Variants in COMMD1 observed in about 807,000 individuals in gnomAD.
The protein encoded by COMMD1 is copper metabolism domain containing 1, also known as COMM domain-containing protein 1.
COMMD1 carries 10 observed loss-of-function variants against 17.2 expected under a neutral mutation model. The ratio of observed to expected loss-of-function variants is 0.58; its 90% CI spans 0.36 to 0.99. The LOEUF (loss-of-function observed/expected upper bound fraction) is 0.99, where lower values mean the gene tolerates loss of function less well. Ranked by LOEUF, COMMD1 falls within the 50% of genes least tolerant of loss-of-function variation. The probability of loss-of-function intolerance (pLI) is 0.01; values close to 1 mark genes in which losing one functional copy is unlikely to be tolerated. For synonymous variants in COMMD1, 97 were observed against 91.6 expected (o/e 1.06, Z -0.34); for missense variants, 270 against 231.8 (o/e 1.17, Z -1.07).
chr2:62,061,395 T>C (rs1233851639), intron 2 of COMMD1, among the ~76,000 whole-genome samples: 1 of 152,150 alleles, frequency 6.6e-6, no homozygotes, highest in South Asian at 2.1e-4. Context: ...CTCTCTTGCC[T>C]TCAGTGGGTA....
intron 1 of COMMD1, among the ~76,000 whole-genome samples, chr2:61,889,566 G>A (rs1212557368): frequency 6.6e-6 from 1 of 152,106 alleles, no homozygotes; most frequent in Admixed American, 6.6e-5. Context: ...GGTGGGCGCC[G>A]GAATAACTCT....
chr2:62,028,032 C>G (rs1433583207), intron 2 of COMMD1, among the ~76,000 whole-genome samples: 2 of 152,086 alleles, frequency 1.3e-5, no homozygotes, highest in African/African-American at 2.4e-5. Flanking sequence ...TTAGCCTGTT[C>G]AGTGCATTAA....
chr2:62,086,150 C>A (rs1671662782), intron 2 of COMMD1, among the ~76,000 whole-genome samples: 1 of 151,984 alleles, frequency 6.6e-6, no homozygotes, highest in African/African-American at 2.4e-5. Flanking sequence ...CTGCTGCACT[C>A]CAGCCTGGGA....
At chr2:62,027,036 ATTTAT>A (rs1358534274) in intron 2 of COMMD1, among the ~76,000 whole-genome samples, 1 of 151,824 alleles carries the variant, frequency 6.6e-6, no homozygotes, top group Non-Finnish European at 1.5e-5. Flanking sequence ...TCCTTTTTGT[ATTTAT>A]TTAGTGATAA....
Position 61,994,680 on chromosome 2 carries a change from T to G in COMMD1, c.181-6021T>G, listed in dbSNP as rs141801114. Among the ~76,000 whole-genome samples the G allele has an allele frequency of 7.3e-3, 1,104 of 152,256 alleles. 16 individuals are homozygous for G. Among genetic ancestry groups the G allele is most frequent in the African/African-American group, 0.025 (1,041 of 41,552 alleles). Reference sequence around the variant, plus strand: ...GAATTGCAGGAAGGCCTGCAGGAACTAGGGTCTTGGGAACTATAAAACAGG... The same window carrying G: ...GAATTGCAGGAAGGCCTGCAGGAACGAGGGTCTTGGGAACTATAAAACAGG... On this transcript the variant is annotated intron_variant, in intron 1 of 2. Coordinates refer to ENST00000311832, the MANE Select transcript of COMMD1 (RefSeq NM_152516.4).
At chr2:62,103,838 C>T (rs1304507067) in intron 2 of COMMD1, among the ~76,000 whole-genome samples, 2 of 151,862 alleles carry the variant, frequency 1.3e-5, no homozygotes, top group African/African-American at 2.4e-5. Flanking sequence ...TAATGTGTGC[C>T]GTCAGTATTT....
At chr2:62,034,421 G>A (rs1444243962) in intron 2 of COMMD1, among the ~76,000 whole-genome samples, 1 of 152,134 alleles carries the variant, frequency 6.6e-6, no homozygotes, top group African/African-American at 2.4e-5. Context: ...TTGAACCCGG[G>A]AGGCAGAGGT....
At chr2:61,933,335 C>A (rs1163902630) in intron 1 of COMMD1, among the ~76,000 whole-genome samples, 1 of 151,884 alleles carries the variant, frequency 6.6e-6, no homozygotes, top group Non-Finnish European at 1.5e-5. Context: ...TAACACTCAG[C>A]TGCTTGTGTT....
At chr2:62,077,873 T>C (rs1410179202) in intron 2 of COMMD1, among the ~76,000 whole-genome samples, 1 of 151,820 alleles carries the variant, frequency 6.6e-6, no homozygotes, top group African/African-American at 2.4e-5. Context: ...CAACTTGAAG[T>C]GGGGTGGGGC....
chr2:61,989,376 A>G (rs972679138), intron 1 of COMMD1, among the ~76,000 whole-genome samples: 3 of 152,108 alleles, frequency 2.0e-5, no homozygotes, highest in African/African-American at 4.8e-5. Flanking sequence ...ATATAGTATC[A>G]TGCAGATTGG....
At chr2:62,035,737 C>G in intron 2 of COMMD1, among the ~76,000 whole-genome samples, 1 of 119,246 alleles carries the variant, frequency 8.4e-6, no homozygotes, top group South Asian at 2.7e-4. Flanking sequence ...GAGACTCTGT[C>G]TCAATTAAAA....
chr2:62,048,281 C>G (rs1296933978), intron 2 of COMMD1, among the ~76,000 whole-genome samples: 5 of 148,488 alleles, frequency 3.4e-5, no homozygotes, highest in African/African-American at 1.3e-4. Context: ...CTCCTGGGTT[C>G]ACGCCATTCT....
chr2:62,075,003 C>T (rs1251133807), intron 2 of COMMD1, among the ~76,000 whole-genome samples: 2 of 150,992 alleles, frequency 1.3e-5, no homozygotes, highest in African/African-American at 4.9e-5. Context: ...GATTCTCCTG[C>T]CTCAGCCTCC....
intron 1 of COMMD1, among the ~76,000 whole-genome samples, chr2:61,929,580 G>A (rs903735187): frequency 6.6e-6 from 1 of 152,060 alleles, no homozygotes; most frequent in Non-Finnish European, 1.5e-5. Context: ...CAATATTCAG[G>A]TTCAACTGTT....
chr2:62,005,249 A>G (rs527810708), intron 2 of COMMD1, among the ~76,000 whole-genome samples: 2 of 152,322 alleles, frequency 1.3e-5, no homozygotes, highest in East Asian at 3.9e-4. Context: ...TTGGTATCAT[A>G]TTTTTACAAC....
chr2:62,050,240 CA>C (rs746207220), intron 2 of COMMD1, among the ~76,000 whole-genome samples: 19 of 151,976 alleles, frequency 1.3e-4, no homozygotes, highest in Non-Finnish European at 2.6e-4. Flanking sequence ...TCACTTTAAC[CA>C]AAAAGAAGAC....
rs116508040 is a variant in COMMD1, at chr2:62,127,157, T to C, written c.463-8674T>C. On this transcript the variant is annotated intron_variant, in intron 2 of 2. Transcript: ENST00000311832. The stretch of plus-strand genomic sequence containing the variant: ...ACAAAGAGAATAAAATACCTAAGAG[T>C]ACAGCTAACAAGGGAAATGAAGGAC... 8.6e-3 allele frequency among the ~76,000 whole-genome samples: 1,305 copies of C among 151,846 alleles called. 6 individuals carry two copies. Among genetic ancestry groups the C allele is most frequent in the Non-Finnish European group, 0.014 (945 of 67,956 alleles).
At chr2:62,055,478 T>C in intron 2 of COMMD1, 1 of 456,014 alleles carries the variant, frequency 2.2e-6, no homozygotes, top group Non-Finnish European at 4.4e-6. Flanking sequence ...CCAAGCCCAC[T>C]TTGTATATGT....
intron 1 of COMMD1, among the ~76,000 whole-genome samples, chr2:61,999,048 C>T (rs546194688): frequency 3.3e-5 from 5 of 152,232 alleles, no homozygotes; most frequent in Admixed American, 6.5e-5. Flanking sequence ...AAATGTGACA[C>T]AGAGACACAA....
Sources: allele counts gnomAD v4.1 joint callset (sites outside exome capture counted in the v4.1 genomes callset), GRCh38; gene constraint gnomAD v4.1.1; transcripts MANE v1.5; gene names NCBI Gene and HGNC (gene_info 2026-07-23, HGNC 2026-07-21).